NRXN3: variants seen among roughly 807,000 people sequenced by gnomAD.
NRXN3 encodes neurexin III.
A neutral mutation model predicts 137.6 loss-of-function variants in NRXN3; 32 were observed. The observed-to-expected ratio is 0.23, with a 90% CI of 0.18 to 0.31. The LOEUF (loss-of-function observed/expected upper bound fraction) is 0.31, where lower values mean the gene tolerates loss of function less well. Among genes scored for constraint, NRXN3 ranks in the 10% least tolerant of loss-of-function variants. The pLI is 1.00. For missense variants in NRXN3, 1,574 were observed against 2,062.5 expected, an observed-to-expected ratio of 0.76 and a Z score of 4.59; for synonymous variants, 798 against 784.5, an observed-to-expected ratio of 1.02 and a Z score of -0.29.
Position 79,325,065 on chromosome 14 carries a change from T to G in NRXN3, c.3263-142156T>G, listed in dbSNP as rs114586982. Among the ~76,000 whole-genome samples, 665 of 152,342 alleles carry G rather than the reference T, an allele frequency of 4.4e-3. 6 individuals are homozygous for G. Among genetic ancestry groups the G allele is most frequent in the African/African-American group, 0.016 (656 of 41,582 alleles). ...ATACATTTATCTCTTGGCTATTTAT[T>G]TCTATAATCTCTGCCCCAAACCCTC... is the stretch of plus-strand genomic sequence containing the variant. On this transcript the variant is annotated intron_variant, in intron 15 of 20. Transcript: ENST00000335750.
intron 15 of NRXN3, among the ~76,000 whole-genome samples, chr14:79,319,882 C>T (rs899434165): frequency 6.6e-4 from 101 of 152,184 alleles, no homozygotes; most frequent in African/African-American, 2.4e-3. Context: ...TTACTAATGG[C>T]AGGATTCTGT....
chr14:79,142,754 T>C (rs2058924040), intron 15 of NRXN3, among the ~76,000 whole-genome samples: 2 of 152,096 alleles, frequency 1.3e-5, no homozygotes, highest in Admixed American at 1.3e-4. Context: ...CTTCACAATT[T>C]CAGGAGAGAA....
intron 15 of NRXN3, among the ~76,000 whole-genome samples, chr14:79,050,905 C>T (rs554688671): frequency 1.3e-5 from 2 of 152,296 alleles, no homozygotes; most frequent in East Asian, 1.9e-4. Context: ...GATACAAATT[C>T]TCTCACACTG....
chr14:79,826,636 T>C (rs1309826813), intron 20 of NRXN3, among the ~76,000 whole-genome samples: 3 of 152,214 alleles, frequency 2.0e-5, no homozygotes, highest in Non-Finnish European at 4.4e-5. Context: ...AAATGTAATC[T>C]TGACACAAAA....
chr14:78,785,493 G>A (rs2098786313), intron 8 of NRXN3, among the ~76,000 whole-genome samples: 2 of 152,298 alleles, frequency 1.3e-5, no homozygotes, highest in Non-Finnish European at 2.9e-5. Flanking sequence ...GACGGAGCCA[G>A]ATAACTTGTT....
chr14:79,486,080 T>G (rs936473441), intron 16 of NRXN3, among the ~76,000 whole-genome samples: 1 of 152,102 alleles, frequency 6.6e-6, no homozygotes, highest in Non-Finnish European at 1.5e-5. Flanking sequence ...TTAAGAAACA[T>G]CATTAAACAT....
chr14:78,286,152 GT>G (rs1334585755), intron 3 of NRXN3, among the ~76,000 whole-genome samples: 3 of 152,190 alleles, frequency 2.0e-5, no homozygotes, highest in Non-Finnish European at 4.4e-5. Flanking sequence ...CAAGGCCAGA[GT>G]TTTAGCTGGA....
intron 4 of NRXN3, among the ~76,000 whole-genome samples, chr14:78,544,138 G>A (rs763254648): frequency 1.3e-5 from 2 of 152,254 alleles, no homozygotes; most frequent in Non-Finnish European, 2.9e-5. Flanking sequence ...GGAGCCCTGG[G>A]GCACACCATG....
intron 6 of NRXN3, among the ~76,000 whole-genome samples, chr14:78,659,905 C>T (rs1602029207): frequency 6.6e-6 from 1 of 152,022 alleles, no homozygotes; most frequent in African/African-American, 2.4e-5. Context: ...ATTAGAGATT[C>T]CCATTCCCCT....
intron 4 of NRXN3, among the ~76,000 whole-genome samples, chr14:78,395,528 T>C (rs1208036483): frequency 6.6e-6 from 1 of 151,960 alleles, no homozygotes; most frequent in Non-Finnish European, 1.5e-5. Context: ...TATTAATAGA[T>C]ACTGTTAGTT....
chr14:78,330,574 A>T (rs1480195951), intron 4 of NRXN3, among the ~76,000 whole-genome samples: 1 of 152,142 alleles, frequency 6.6e-6, no homozygotes, highest in Non-Finnish European at 1.5e-5. Flanking sequence ...CAGGTTTTAA[A>T]TTTTTGATTC....
At chr14:78,579,930 C>T (rs531200927) in intron 4 of NRXN3, among the ~76,000 whole-genome samples, 2 of 152,044 alleles carry the variant, frequency 1.3e-5, no homozygotes, top group Non-Finnish European at 2.9e-5. Flanking sequence ...TTCCTCTTCT[C>T]GAAAATTACA....
chr14:79,409,617 C>A (rs201278928), intron 15 of NRXN3, among the ~76,000 whole-genome samples: 11 of 112,100 alleles, frequency 9.8e-5, no homozygotes, highest in South Asian at 6.4e-4. Context: ...GTGTGTGTGT[C>A]TATATATATA....
At chr14:79,151,083 A>G (rs2059757717) in intron 15 of NRXN3, among the ~76,000 whole-genome samples, 2 of 152,226 alleles carry the variant, frequency 1.3e-5, no homozygotes, top group South Asian at 4.1e-4. Context: ...ACTAACTAAC[A>G]GAAGACATGC....
At chr14:78,676,157 TAGAA>T (rs945178880) in intron 6 of NRXN3, among the ~76,000 whole-genome samples, 1 of 152,106 alleles carries the variant, frequency 6.6e-6, no homozygotes, top group African/African-American at 2.4e-5. Context: ...AGTGCTCAAG[TAGAA>T]AGAAAGAGTT....
rs1017301415 is a variant in NRXN3 at position 79,861,455 on chromosome 14, A to G, written c.4207A>G (p.Thr1403Ala). ...CTCCGAAACTAGTAGGACTACTACC[A>G]CATCTTTATCCCCTGAGCTGATCCG... is the stretch of plus-strand genomic sequence containing the variant. Reference protein sequence around the residue: ...KVSETSRTTTTSLSPELIRFT... With the variant: ...KVSETSRTTTASLSPELIRFT... The change falls in exon 21 of 21, where the codon ACA becomes GCA. Residue 1403 changes from threonine (T) to alanine (A), a missense_variant. By Grantham distance (58) the Thr-to-Ala change is moderately conservative (BLOSUM62 0). Around this residue, in one of 5 missense-constraint regions of NRXN3, gnomAD observed 320 missense variants for 387.1 expected, o/e 0.83. Transcript: ENST00000335750. The surrounding 1 kb of genome is among the most constrained non-coding windows in gnomAD (Gnocchi z 5.4). The G allele has an allele frequency of 4.6e-6, 7 of 1,536,880 alleles. No individual in the cohort carries two copies. The highest frequency in any genetic ancestry group is 4.9e-5 in the East Asian group (2 of 40,916).
At chr14:79,206,309 T>C (rs549376073) in intron 15 of NRXN3, among the ~76,000 whole-genome samples, 2 of 152,334 alleles carry the variant, frequency 1.3e-5, no homozygotes, top group East Asian at 3.9e-4. Context: ...TAATATTATA[T>C]CCCCATTCTC....
At chr14:78,498,459 T>A (rs2095825432) in intron 4 of NRXN3, among the ~76,000 whole-genome samples, 1 of 152,206 alleles carries the variant, frequency 6.6e-6, no homozygotes, top group African/African-American at 2.4e-5. Context: ...GAACTAGGTA[T>A]GCCTTTCTGT....
intron 16 of NRXN3, among the ~76,000 whole-genome samples, chr14:79,519,280 TTATG>T (rs1463081727): frequency 6.6e-6 from 1 of 152,142 alleles, no homozygotes; most frequent in Non-Finnish European, 1.5e-5. Flanking sequence ...TTTTTAAATT[TTATG>T]TATCTGCAAT....
Sources: gnomAD v4.1 joint callset for allele counts (sites outside exome capture counted in the v4.1 genomes callset) on GRCh38, gnomAD v4.1.1 for gene constraint, gnomAD v4.1.1 regional missense constraint, Gnocchi (gnomAD v3.1) non-coding constraint, MANE v1.5 for transcripts, NCBI Gene and HGNC (gene_info 2026-07-23, HGNC 2026-07-21) for gene names.